NIPBL: variants seen among roughly 807,000 people sequenced by gnomAD.
NIPBL encodes the protein NIPBL cohesin loading factor.
Under a neutral mutation model 321.8 loss-of-function variants are expected in NIPBL, and 19 were observed. The observed-to-expected ratio is 0.06, with a 90% CI of 0.04 to 0.09. NIPBL has a LOEUF of 0.09. NIPBL is among the 10% of genes least tolerant of loss of function. The pLI is 1.00. For missense variants in NIPBL, 2,210 were observed against 3,327.0 expected (o/e 0.66, Z 8.26); for synonymous variants, 1,106 against 1,114.1 (o/e 0.99, Z 0.14).
intron 6 of NIPBL, among the ~76,000 whole-genome samples, chr5:36,965,900 T>C (rs1742148629): frequency 1.3e-5 from 2 of 152,074 alleles, no homozygotes; most frequent in Non-Finnish European, 2.9e-5. Flanking sequence ...TGAGACAGTT[T>C]AGACTATTGA....
chr5:36,975,670 T>A lies in NIPBL; in HGVS notation c.869-106T>A, dbSNP rs1028157470. On this transcript the variant is annotated intron_variant, in intron 8 of 46. Transcript: ENST00000282516. ...AAGTAGCTTGGATTATATAATTTCT[T>A]ATTTTTTTCTAGTATTACTATATTG... 25 of 1,093,592 alleles carry A rather than the reference T, an allele frequency of 2.3e-5. No homozygotes were observed. The African/African-American group carries it at 3.1e-4, about 13-fold the overall frequency. 67.7% of individuals were successfully genotyped at this position (1,093,592 alleles called of 1,614,324 possible). A position where few individuals can be genotyped will look rare whatever the true frequency, so the allele number is the denominator to read the frequency against.
At position 36,953,651 on chromosome 5, in the gene NIPBL, C is replaced by T; in HGVS notation, c.-46C>T. On this transcript the variant is annotated 5_prime_UTR_variant, in exon 2 of 47. Coordinates refer to ENST00000282516, the MANE Select transcript of NIPBL (RefSeq NM_133433.4). ...AAATGGGAAGTAATGACAGCTGGCA[C>T]CTGAACTAAGTACTTTTATAGGCAA... is the stretch of plus-strand genomic sequence containing the variant. The T allele has an allele frequency of 6.6e-7, 1 of 1,516,888 alleles. No individual in the cohort carries two copies. Among genetic ancestry groups the T allele is most frequent in the Non-Finnish European group, 9.2e-7 (1 of 1,091,540 alleles). 94.0% of individuals were successfully genotyped at this position (1,516,888 alleles called of 1,614,324 possible). A position where few individuals can be genotyped will look rare whatever the true frequency, so the allele number is the denominator to read the frequency against.
chr5:36,923,481 T>C (rs993055969), intron 1 of NIPBL, among the ~76,000 whole-genome samples: 2 of 152,230 alleles, frequency 1.3e-5, no homozygotes, highest in Non-Finnish European at 2.9e-5. Flanking sequence ...TTAGTTATTA[T>C]TAAAAACACT....
intron 1 of NIPBL, among the ~76,000 whole-genome samples, chr5:36,887,211 A>G (rs192009257): frequency 7.9e-5 from 12 of 152,300 alleles, no homozygotes; most frequent in Admixed American, 7.2e-4. Context: ...CAAGCATGTG[A>G]AATAGACCTA....
intron 34 of NIPBL, among the ~76,000 whole-genome samples, chr5:37,043,155 G>A (rs1752621875): frequency 6.6e-6 from 1 of 152,094 alleles, no homozygotes; most frequent in African/African-American, 2.4e-5. Context: ...CAGTACTTTG[G>A]GTGGCCAAGG....
chr5:37,063,866 G>C lies in NIPBL; in HGVS notation c.7937G>C (p.Arg2646Pro). 6.2e-7 allele frequency: 1 copy of C among 1,613,960 alleles called. No individual in the cohort carries two copies. Among genetic ancestry groups the C allele is most frequent in the Non-Finnish European group, 8.5e-7 (1 of 1,179,984 alleles). The stretch of plus-strand genomic sequence containing the variant: ...GAGGTTTCAGCTAGCACAAATGCTC[G>C]GAACAAAGCAATTACCTCACTGCTT... ...EGEVSASTNA[R>P]NKAITSLLGG... The change falls in exon 46 of 47, where the codon CGG becomes CCG. Residue 2646 changes from arginine (R) to proline (P), a missense_variant. Physicochemically the swap from Arg to Pro is moderately radical, Grantham distance 103. Around this residue, in one of 14 missense-constraint regions of NIPBL, gnomAD observed 159 missense variants for 319.2 expected, o/e 0.50. Transcript: ENST00000282516.
chr5:36,881,846 A>G (rs892893929), intron 1 of NIPBL, among the ~76,000 whole-genome samples: 2 of 151,978 alleles, frequency 1.3e-5, no homozygotes, highest in Non-Finnish European at 2.9e-5. Context: ...AATTTTTGTT[A>G]AGCAGTCTGT....
chr5:37,035,301 G>A (rs1751563448), intron 32 of NIPBL, among the ~76,000 whole-genome samples: 1 of 152,222 alleles, frequency 6.6e-6, no homozygotes, highest in Non-Finnish European at 1.5e-5. Context: ...GATATTAATA[G>A]CTGCTTTAAG....
chr5:36,934,817 T>C (rs562621947), intron 1 of NIPBL, among the ~76,000 whole-genome samples: 11 of 151,602 alleles, frequency 7.3e-5, no homozygotes, highest in Non-Finnish European at 1.3e-4. Context: ...CCTAAGTAGC[T>C]AGAGTTAAGA....
chr5:37,065,540 A>G lies in NIPBL; in HGVS notation c.*648A>G, dbSNP rs1461654277. The G allele has an allele frequency of 6.6e-6, 1 of 152,648 alleles. No homozygotes were observed. The highest frequency in any genetic ancestry group is 1.5e-5 in the Non-Finnish European group (1 of 68,044). 9.5% of individuals were successfully genotyped at this position (152,648 alleles called of 1,614,324 possible). On this transcript the variant is annotated 3_prime_UTR_variant, in exon 47 of 47. Transcript: ENST00000282516. ...TCCATTTGAATTTCTTATTGTAAAA[A>G]TCTGTTTAAATCCATTTATATTATT...
chr5:37,041,605 CA>C (rs1180265637), intron 34 of NIPBL, among the ~76,000 whole-genome samples: 1 of 150,496 alleles, frequency 6.6e-6, no homozygotes, highest in Non-Finnish European at 1.5e-5. Flanking sequence ...CTCTGTTGCC[CA>C]GGCTGGAGTA....
At chr5:36,974,332 C>T (rs1037613288) in intron 8 of NIPBL, among the ~76,000 whole-genome samples, 2 of 152,142 alleles carry the variant, frequency 1.3e-5, no homozygotes, top group Non-Finnish European at 2.9e-5. Flanking sequence ...AGGGTAAGTG[C>T]ATTGTCAGTC....
At chr5:36,901,972 CATT>C (rs1747265685) in intron 1 of NIPBL, among the ~76,000 whole-genome samples, 1 of 152,214 alleles carries the variant, frequency 6.6e-6, no homozygotes, top group African/African-American at 2.4e-5. Context: ...AATGGTGTCT[CATT>C]GTGGTTTTGA....
intron 32 of NIPBL, among the ~76,000 whole-genome samples, chr5:37,032,022 C>T (rs1751081042): frequency 6.6e-6 from 1 of 152,140 alleles, no homozygotes; most frequent in South Asian, 2.1e-4. Context: ...TAAAGGTTAC[C>T]AGCATTACCT....
chr5:37,043,284 C>T (rs530964885), intron 34 of NIPBL, among the ~76,000 whole-genome samples: 2 of 152,184 alleles, frequency 1.3e-5, no homozygotes, highest in South Asian at 4.1e-4. Flanking sequence ...AATCCCAGCA[C>T]TTTGGGAGGC....
At chr5:37,064,227 TTAA>T in intron 46 of NIPBL, 1 of 1,388,118 alleles carries the variant, frequency 7.2e-7, no homozygotes, top group East Asian at 2.6e-5. Flanking sequence ...TTGAATTGTA[TTAA>T]TGTGTGTTAT....
In NIPBL at chr5:37,065,096, T is replaced by C. The variant is rs1203587127; in HGVS notation, c.*204T>C. On this transcript the variant is annotated 3_prime_UTR_variant, in exon 47 of 47. Transcript: ENST00000282516. Reference sequence around the variant, plus strand: ...GCAGCAGAAACAGATTCTCAGTTCATTTTTACTCCCACTGTATTATAGTTT... The same window carrying C: ...GCAGCAGAAACAGATTCTCAGTTCACTTTTACTCCCACTGTATTATAGTTT... The C allele has an allele frequency of 1.6e-6, 1 of 618,112 alleles. No individual in the cohort carries two copies. Among genetic ancestry groups the C allele is most frequent in the African/African-American group, 1.8e-5 (1 of 54,206 alleles). The allele number at this position is 618,112 out of a possible 1,614,324, so 38.3% of individuals were successfully genotyped here. A position where few individuals can be genotyped will look rare whatever the true frequency, so the allele number is the denominator to read the frequency against.
intron 7 of NIPBL, among the ~76,000 whole-genome samples, chr5:36,971,466 T>C (rs964624325): frequency 2.6e-5 from 4 of 152,124 alleles, no homozygotes; most frequent in Non-Finnish European, 2.9e-5. Flanking sequence ...TTATTAGTAC[T>C]TGACTCTTTT....
intron 1 of NIPBL, 21 bp downstream of exon 1, chr5:36,877,199 T>G (rs1200172470): frequency 5.9e-5 from 11 of 187,622 alleles, no homozygotes; most frequent in Middle Eastern, 1.9e-3. Flanking sequence ...GCTCTTTATT[T>G]CGGCGGCGGC....
Sources: allele counts gnomAD v4.1 joint callset (sites outside exome capture counted in the v4.1 genomes callset), GRCh38; gene constraint gnomAD v4.1.1; regional missense constraint gnomAD v4.1.1; transcripts MANE v1.5; gene names NCBI Gene and HGNC (gene_info 2026-07-23, HGNC 2026-07-21).